Variants in GPC5 observed in about 807,000 individuals in gnomAD.
GPC5 encodes the protein glypican-5.
Under a neutral mutation model 53.9 loss-of-function variants are expected in GPC5, and 47 were observed. The ratio of observed to expected loss-of-function variants is 0.87; its 90% CI spans 0.69 to 1.11. The LOEUF is 1.11. Ranked by LOEUF, GPC5 falls within the 50% of genes most tolerant of loss-of-function variation. GPC5 has a pLI of 0.00. For synonymous variants in GPC5, 286 were observed against 263.3 expected, an observed-to-expected ratio of 1.09 and a Z score of -0.84; for missense variants, 748 against 713.1, an observed-to-expected ratio of 1.05 and a Z score of -0.56.
At chr13:92,521,249 G>A (rs961826424) in intron 7 of GPC5, among the ~76,000 whole-genome samples, 3 of 151,962 alleles carry the variant, frequency 2.0e-5, no homozygotes, top group African/African-American at 7.3e-5. Flanking sequence ...CTACCAATGA[G>A]TTTCTTCACA....
chr13:91,831,403 G>A (rs1934787969), intron 5 of GPC5, among the ~76,000 whole-genome samples: 1 of 151,848 alleles, frequency 6.6e-6, no homozygotes, highest in Non-Finnish European at 1.5e-5. Flanking sequence ...TGATTCAAAT[G>A]TTAATCTCTT....
intron 7 of GPC5, among the ~76,000 whole-genome samples, chr13:92,698,625 T>C (rs1172088311): frequency 6.6e-6 from 1 of 152,174 alleles, no homozygotes; most frequent in East Asian, 1.9e-4. Context: ...GCAATAAACA[T>C]ATGTGTGCAT....
At chr13:91,594,517 C>T (rs1475116378) in intron 2 of GPC5, among the ~76,000 whole-genome samples, 1 of 152,190 alleles carries the variant, frequency 6.6e-6, no homozygotes. Context: ...GGTTGATAAG[C>T]TTGACTGTCA....
At chr13:92,348,818 A>G (rs2043450238) in intron 7 of GPC5, among the ~76,000 whole-genome samples, 3 of 152,220 alleles carry the variant, frequency 2.0e-5, no homozygotes, top group Admixed American at 6.5e-5. Flanking sequence ...ATGCTCCTGA[A>G]CAACTAATGG....
At chr13:92,381,940 GAAATAAT>G (rs2043750670) in intron 7 of GPC5, among the ~76,000 whole-genome samples, 1 of 67,182 alleles carries the variant, frequency 1.5e-5, no homozygotes, top group Non-Finnish European at 3.3e-5. Flanking sequence ...GATTATATAT[GAAATAAT>G]ATCTATGTAT....
At chr13:92,219,048 C>A (rs2042430767) in intron 7 of GPC5, among the ~76,000 whole-genome samples, 1 of 152,022 alleles carries the variant, frequency 6.6e-6, no homozygotes, top group Non-Finnish European at 1.5e-5. Flanking sequence ...TTTAATCATC[C>A]CAACATTCCG....
chr13:92,802,717 A>G (rs1284799432), intron 7 of GPC5, among the ~76,000 whole-genome samples: 2 of 151,934 alleles, frequency 1.3e-5, no homozygotes. Context: ...CAAACACCGC[A>G]TGTTCTCACT....
intron 7 of GPC5, among the ~76,000 whole-genome samples, chr13:92,400,547 T>G (rs1875509093): frequency 6.6e-6 from 1 of 152,188 alleles, no homozygotes; most frequent in Non-Finnish European, 1.5e-5. Context: ...CTCTTACCCT[T>G]TCCATATATC....
chr13:92,786,349 G>T (rs1293963062), intron 7 of GPC5, among the ~76,000 whole-genome samples: 3 of 152,100 alleles, frequency 2.0e-5, no homozygotes, highest in Non-Finnish European at 4.4e-5. Context: ...TGATTTTGAC[G>T]AATGGACATG....
At chr13:92,528,070 C>A (rs1881429393) in intron 7 of GPC5, among the ~76,000 whole-genome samples, 1 of 151,966 alleles carries the variant, frequency 6.6e-6, no homozygotes, top group African/African-American at 2.4e-5. Flanking sequence ...ATTGAAATAT[C>A]TGTCTATTCC....
At chr13:91,485,390 A>G (rs201044203) in intron 2 of GPC5, among the ~76,000 whole-genome samples, 1 of 151,586 alleles carries the variant, frequency 6.6e-6, no homozygotes, top group East Asian at 1.9e-4. Flanking sequence ...TTTTTTTTGT[A>G]TTTTTTAAGT....
At chr13:91,690,866 T>C (rs2035742838) in intron 2 of GPC5, among the ~76,000 whole-genome samples, 1 of 152,232 alleles carries the variant, frequency 6.6e-6, no homozygotes, top group African/African-American at 2.4e-5. Flanking sequence ...GTGGAAAGCA[T>C]GTAAGAATGC....
At chr13:92,661,826 A>G (rs1487568199) in intron 7 of GPC5, among the ~76,000 whole-genome samples, 2 of 152,200 alleles carry the variant, frequency 1.3e-5, no homozygotes, top group Non-Finnish European at 2.9e-5. Context: ...ATAAGAATAC[A>G]GTGTGAATTT....
At chr13:91,675,362 G>T (rs192781663) in intron 2 of GPC5, among the ~76,000 whole-genome samples, 1 of 152,234 alleles carries the variant, frequency 6.6e-6, no homozygotes, top group Non-Finnish European at 1.5e-5. Flanking sequence ...TGTGCTGATA[G>T]GTACTAGGAA....
intron 6 of GPC5, among the ~76,000 whole-genome samples, chr13:92,075,171 T>C (rs2041242937): frequency 6.6e-6 from 1 of 152,198 alleles, no homozygotes; most frequent in Non-Finnish European, 1.5e-5. Context: ...TATTAGTACA[T>C]GTTAACTTTA....
chr13:92,417,974 A>G (rs1876388221), intron 7 of GPC5, among the ~76,000 whole-genome samples: 1 of 152,236 alleles, frequency 6.6e-6, no homozygotes, highest in African/African-American at 2.4e-5. Flanking sequence ...ATCTTATTCT[A>G]CTATAAAAAC....
At chr13:91,783,599 A>G (rs1433028359) in intron 5 of GPC5, among the ~76,000 whole-genome samples, 1 of 151,908 alleles carries the variant, frequency 6.6e-6, no homozygotes, top group Non-Finnish European at 1.5e-5. Context: ...ATGCCCGGCT[A>G]ATTTTTGTAC....
intron 2 of GPC5, among the ~76,000 whole-genome samples, chr13:91,644,779 A>G (rs1247261996): frequency 6.6e-6 from 1 of 152,254 alleles, no homozygotes; most frequent in Non-Finnish European, 1.5e-5. Context: ...AACACCCAGT[A>G]TACCTTTAAA....
intron 7 of GPC5, among the ~76,000 whole-genome samples, chr13:92,595,991 CT>C (rs1231088294): frequency 1.3e-5 from 2 of 152,094 alleles, no homozygotes; most frequent in Non-Finnish European, 2.9e-5. Flanking sequence ...TTGTTTGTCA[CT>C]GCTCTTATTT....
Sources: gnomAD v4.1 joint callset for allele counts (sites outside exome capture counted in the v4.1 genomes callset) on GRCh38, gnomAD v4.1.1 for gene constraint, MANE v1.5 for transcripts, NCBI Gene and HGNC (gene_info 2026-07-23, HGNC 2026-07-21) for gene names.